ATG10: variants seen among roughly 807,000 people sequenced by gnomAD.
The protein encoded by ATG10 is ubiquitin-like-conjugating enzyme ATG10.
ATG10 carries 30 observed loss-of-function variants against 32.1 expected under a neutral mutation model. The ratio of observed to expected loss-of-function variants is 0.94; its 90% CI spans 0.70 to 1.27. The LOEUF (loss-of-function observed/expected upper bound fraction) is 1.27, where lower values mean the gene tolerates loss of function less well. ATG10 is among the 50% of genes most tolerant of loss of function. The pLI, the probability that ATG10 is intolerant of heterozygous loss-of-function variation, is 0.00. For missense variants in ATG10, 233 were observed against 262.3 expected, an observed-to-expected ratio of 0.89 and a Z score of 0.77; for synonymous variants, 87 against 91.5, an observed-to-expected ratio of 0.95 and a Z score of 0.28.
chr5:82,102,990 A>AT (rs550097893), intron 3 of ATG10, among the ~76,000 whole-genome samples: 1 of 151,848 alleles, frequency 6.6e-6, no homozygotes, highest in Admixed American at 6.6e-5. Context: ...ATGACAATTT[A>AT]TTTTTTTTAG....
At chr5:82,214,729 T>C (rs1460792157) in intron 5 of ATG10, among the ~76,000 whole-genome samples, 1 of 152,196 alleles carries the variant, frequency 6.6e-6, no homozygotes, top group Non-Finnish European at 1.5e-5. Context: ...AGAGTGGATC[T>C]CTCAAGGTGG....
intron 4 of ATG10, among the ~76,000 whole-genome samples, chr5:82,170,289 T>C (rs377106166): frequency 1.3e-5 from 2 of 152,368 alleles, no homozygotes; most frequent in East Asian, 3.9e-4. Context: ...TATTAAAATA[T>C]ACATGAGTGC....
intron 3 of ATG10, among the ~76,000 whole-genome samples, chr5:82,160,974 C>T (rs1261611555): frequency 6.6e-6 from 1 of 152,098 alleles, no homozygotes; most frequent in African/African-American, 2.4e-5. Context: ...CAGCTCTGTA[C>T]TAGAATCTCC....
chr5:82,146,553 T>C (rs1393984624), intron 3 of ATG10, among the ~76,000 whole-genome samples: 1 of 151,922 alleles, frequency 6.6e-6, no homozygotes, highest in Non-Finnish European at 1.5e-5. Flanking sequence ...TCCAGTTGTC[T>C]ATATGTCTGA....
chr5:82,055,308 A>C (rs1763557279), intron 2 of ATG10, among the ~76,000 whole-genome samples: 1 of 152,200 alleles, frequency 6.6e-6, no homozygotes, highest in Non-Finnish European at 1.5e-5. Context: ...CGATAATAAA[A>C]AAATGGTATT....
At chr5:82,010,624 T>G (rs1286418575) in intron 2 of ATG10, among the ~76,000 whole-genome samples, 1 of 152,206 alleles carries the variant, frequency 6.6e-6, no homozygotes. Context: ...AGGTTATTGC[T>G]GATATGCAGG....
intron 5 of ATG10, among the ~76,000 whole-genome samples, chr5:82,180,288 T>C (rs1426483978): frequency 3.3e-5 from 5 of 152,188 alleles, no homozygotes; most frequent in Non-Finnish European, 5.9e-5. Flanking sequence ...TTTGTTCTTG[T>C]GATCTTTTCT....
At position 82,058,617 on chromosome 5, in the gene ATG10, G is replaced by A. The variant is rs1335975771; in HGVS notation, c.216+15G>A. On this transcript the variant is annotated intron_variant, in intron 3 of 7. Transcript: ENST00000282185. ...TTCCCATGGAGGTGAGTAGTTTAAT[G>A]CATCATGTTCTTTTCAGTCTCCGTA... 2.6e-6 allele frequency: 4 copies of A among 1,529,140 alleles called. No homozygotes were observed. The highest frequency in any genetic ancestry group is 3.6e-6 in the Non-Finnish European group (4 of 1,106,176). 94.7% of individuals were successfully genotyped at this position (1,529,140 alleles called of 1,614,324 possible).
At chr5:81,973,463 T>TA (rs1400194833) in intron 1 of ATG10, among the ~76,000 whole-genome samples, 1 of 152,238 alleles carries the variant, frequency 6.6e-6, no homozygotes, top group Non-Finnish European at 1.5e-5. Context: ...CTATCAAACT[T>TA]ACCATCCTTT....
intron 3 of ATG10, among the ~76,000 whole-genome samples, chr5:82,085,967 A>G (rs1764674531): frequency 6.6e-6 from 1 of 152,212 alleles, no homozygotes. Flanking sequence ...GGATTACAAT[A>G]GATAATATTG....
chr5:81,983,455 G>A (rs1480038914), intron 1 of ATG10, among the ~76,000 whole-genome samples: 3 of 143,856 alleles, frequency 2.1e-5, no homozygotes, highest in African/African-American at 2.6e-5. Context: ...CTGGCCGGGC[G>A]GGGGTCTGAC....
At chr5:82,177,082 A>C (rs574021617) in intron 4 of ATG10, among the ~76,000 whole-genome samples, 5 of 152,194 alleles carry the variant, frequency 3.3e-5, no homozygotes, top group Admixed American at 2.0e-4. Flanking sequence ...TTTGAGAATT[A>C]CTGGAATAAT....
intron 2 of ATG10, among the ~76,000 whole-genome samples, chr5:82,041,273 A>G (rs1206553055): frequency 6.6e-6 from 1 of 152,208 alleles, no homozygotes; most frequent in Non-Finnish European, 1.5e-5. Context: ...GCTGTTTCCC[A>G]TATCAGAATA....
intron 2 of ATG10, among the ~76,000 whole-genome samples, chr5:82,053,290 T>G (rs1041611995): frequency 6.6e-6 from 1 of 152,172 alleles, no homozygotes; most frequent in African/African-American, 2.4e-5. Context: ...TATCTGTGTA[T>G]CCTTTGCTCA....
At chr5:81,997,701 T>A (rs796844628) in intron 2 of ATG10, among the ~76,000 whole-genome samples, 6 of 152,306 alleles carry the variant, frequency 3.9e-5, no homozygotes, top group African/African-American at 1.4e-4. Flanking sequence ...CAAACTGATC[T>A]GATAGAGCTA....
At chr5:82,222,626 A>G (rs1473419127) in intron 5 of ATG10, among the ~76,000 whole-genome samples, 1 of 152,248 alleles carries the variant, frequency 6.6e-6, no homozygotes, top group East Asian at 1.9e-4. Flanking sequence ...AGATTCATAT[A>G]TGTATTTTTT....
At chr5:82,165,492 C>G (rs991227710) in intron 4 of ATG10, among the ~76,000 whole-genome samples, 2 of 152,192 alleles carry the variant, frequency 1.3e-5, no homozygotes, top group African/African-American at 4.8e-5. Context: ...GGCAGTTTAA[C>G]AAGCACTTAG....
chr5:82,223,440 G>A (rs568873077), intron 5 of ATG10, among the ~76,000 whole-genome samples: 1 of 152,232 alleles, frequency 6.6e-6, no homozygotes, highest in East Asian at 1.9e-4. Flanking sequence ...CAATCCTTAA[G>A]CAGTGAAAGA....
chr5:82,085,094 G>A (rs147680863), intron 3 of ATG10, among the ~76,000 whole-genome samples: 10,838 of 152,088 alleles, frequency 0.071, 546 homozygotes, highest in Non-Finnish European at 0.11. Flanking sequence ...CCCATCTCAC[G>A]TGCAGAGACA....
Sources: allele counts gnomAD v4.1 joint callset (sites outside exome capture counted in the v4.1 genomes callset), GRCh38; gene constraint gnomAD v4.1.1; transcripts MANE v1.5; gene names NCBI Gene and HGNC (gene_info 2026-07-23, HGNC 2026-07-21).